Variants in COG1 observed in about 807,000 individuals in gnomAD.
COG1 encodes the protein component of oligomeric golgi complex 1.
COG1 carries 61 observed loss-of-function variants against 102.2 expected under a neutral mutation model. The ratio of observed to expected loss-of-function variants is 0.60; its 90% CI spans 0.49 to 0.74. COG1 has a LOEUF of 0.74. COG1 is among the 30% of genes least tolerant of loss of function. COG1 has a pLI of 0.00. For synonymous variants in COG1, 454 were observed against 493.6 expected, an observed-to-expected ratio of 0.92 and a Z score of 1.06; for missense variants, 1,164 against 1,232.1, an observed-to-expected ratio of 0.94 and a Z score of 0.83.
chr17:73,197,168 CTCTG>C (rs147201001), intron 3 of COG1, 54 bp from the exon 4 acceptor site: 26,469 of 1,612,876 alleles, frequency 0.016, 289 homozygotes, highest in Non-Finnish European at 0.02. Context: ...CCAGAGCGTC[CTCTG>C]TCTTTCACTT....
At chr17:73,204,582 CAG>C (rs982647631) in intron 9 of COG1, among the ~76,000 whole-genome samples, 1 of 118,516 alleles carries the variant, frequency 8.4e-6, no homozygotes, top group Non-Finnish European at 1.6e-5. Flanking sequence ...TTTTTTGAGA[CAG>C]AGTCTCACTC....
At chr17:73,198,385 T>C (rs1264594323) in intron 4 of COG1, among the ~76,000 whole-genome samples, 1 of 152,098 alleles carries the variant, frequency 6.6e-6, no homozygotes, top group East Asian at 1.9e-4. Context: ...TCCAGGAGTT[T>C]GAGATCAGCC....
At chr17:73,205,037 T>C (rs868864274) in intron 9 of COG1, 3 of 183,866 alleles carry the variant, frequency 1.6e-5, no homozygotes, top group Admixed American at 1.1e-4. Flanking sequence ...GTGGCGTACA[T>C]CTGTAGTCCC....
chr17:73,197,102 A>T, intron 3 of COG1, 21 bp downstream of exon 3: 6 of 1,614,150 alleles, frequency 3.7e-6, no homozygotes, highest in Non-Finnish European at 4.2e-6. Context: ...CTTCTGGCCA[A>T]CATTTGGTCC....
Position 73,205,581 on chromosome 17 carries a change from A to G in COG1, c.2411A>G (p.Asn804Ser), listed in dbSNP as rs1158721201. ...GAAGGTGCATTTCCAGTCACCCAGA[A>G]CCGGGCGCTGCAGCTGCTTTATGAT... ...KKEGAFPVTQ[N>S]RALQLLYDLR... Residue 804 changes from asparagine (N) to serine (S), a missense_variant, in exon 10 of 14, where the codon AAC becomes AGC. By Grantham distance (46) the Asn-to-Ser change is conservative (BLOSUM62 1). Coordinates refer to ENST00000299886, the MANE Select transcript of COG1 (RefSeq NM_018714.3). 1 of 1,614,024 alleles carries G rather than the reference A, an allele frequency of 6.2e-7. No individual in the cohort carries two copies. Among genetic ancestry groups the G allele is most frequent in the Non-Finnish European group, 8.5e-7 (1 of 1,180,032 alleles).
At chr17:73,197,117 A>T (rs768316979) in intron 3 of COG1, 36 bp downstream of exon 3, 1 of 1,613,690 alleles carries the variant, frequency 6.2e-7, no homozygotes, top group Non-Finnish European at 8.5e-7. Context: ...TGGTCCTTAA[A>T]TATGGGATGG....
intron 13 of COG1, 60 bp downstream of exon 13, chr17:73,207,316 C>A: frequency 1.4e-6 from 2 of 1,415,756 alleles, no homozygotes; most frequent in Non-Finnish European, 1.0e-6. Context: ...ACCGAGCCAC[C>A]CATGATCAGC....
chr17:73,206,143 C>A lies in COG1; in HGVS notation c.2511-11C>A, dbSNP rs1243772944. 3 of 1,597,078 alleles carry A rather than the reference C, an allele frequency of 1.9e-6. No individual in the cohort carries two copies. Among genetic ancestry groups the A allele is most frequent in the Non-Finnish European group, 2.6e-6 (3 of 1,164,432 alleles). ...AAATGTGGACAGTAATGATCCTAATCCTTTTCTCAGAATTGAGAAAGTGAC... is the reference window on the plus strand; with the variant it reads ...AAATGTGGACAGTAATGATCCTAATACTTTTCTCAGAATTGAGAAAGTGAC... On this transcript the variant is annotated splice_polypyrimidine_tract_variant and intron_variant, in intron 10 of 13. Transcript: ENST00000299886.
At chr17:73,200,465 A>T in intron 5 of COG1, 101 bp from the exon 6 acceptor site, 2 of 1,026,408 alleles carry the variant, frequency 1.9e-6, no homozygotes, top group Non-Finnish European at 3.1e-6. Flanking sequence ...ATCTACTGGA[A>T]CTCAGATAAG....
At chr17:73,207,432 G>C (rs1465552143) in intron 13 of COG1, 176 bp downstream of exon 13, 8 of 744,032 alleles carry the variant, frequency 1.1e-5, no homozygotes, top group Non-Finnish European at 1.4e-5. Flanking sequence ...TGAGCTACTA[G>C]AAGGTGTAAA....
rs772683926 is a variant in COG1 at position 73,196,982 on chromosome 17, A to G, written c.643A>G (p.Ile215Val). ...DQAVAEALCS[I>V]MLLEESSPRQ... ...AGCTGTGGCCGAGGCCCTGTGCTCT[A>G]TAATGCTCTTAGAAGAGAGTTCTCC... is the stretch of plus-strand genomic sequence containing the variant. Residue 215 changes from isoleucine to valine, a missense_variant, in exon 3 of 14, where the codon ATA becomes GTA. By Grantham distance (29) the Ile-to-Val change is conservative. Transcript: ENST00000299886. The G allele has an allele frequency of 3.1e-6, 5 of 1,614,080 alleles. No individual in the cohort carries two copies. The South Asian group carries it at 3.3e-5, about 11-fold the overall frequency.
rs958288996 is a variant in COG1, at chr17:73,200,247, G to C, written c.1070+226G>C. On this transcript the variant is annotated intron_variant, in intron 5 of 13. Transcript: ENST00000299886. ...TTGTCTTTCAAAAGGTTATGTGGGA[G>C]TTTTAAATTCTCTTTATGTGAGAGT... 5.3e-5 allele frequency among the ~76,000 whole-genome samples: 8 copies of C among 152,246 alleles called. 1 individual carries two copies. Among genetic ancestry groups the C allele is most frequent in the Admixed American group, 4.6e-4 (7 of 15,288 alleles).
intron 10 of COG1, 32 bp downstream of exon 10, chr17:73,205,712 C>T (rs374106092): frequency 4.2e-5 from 68 of 1,612,338 alleles, no homozygotes; most frequent in Non-Finnish European, 5.3e-5. Context: ...TATGTCAAGG[C>T]GGTCTCTTCC....
At chr17:73,193,640 GC>G (rs2061311949) in intron 1 of COG1, among the ~76,000 whole-genome samples, 1 of 152,214 alleles carries the variant, frequency 6.6e-6, no homozygotes, top group African/African-American at 2.4e-5. Flanking sequence ...CGACTTCCGG[GC>G]CTTGATTCCT....
intron 5 of COG1, 102 bp from the exon 6 acceptor site, chr17:73,200,464 A>G: frequency 9.8e-7 from 1 of 1,017,644 alleles, no homozygotes; most frequent in Non-Finnish European, 1.6e-6. Flanking sequence ...TATCTACTGG[A>G]ACTCAGATAA....
intron 7 of COG1, 99 bp downstream of exon 7, chr17:73,201,999 T>C: frequency 8.3e-7 from 1 of 1,201,248 alleles, no homozygotes; most frequent in Admixed American, 1.9e-5. Context: ...GGCAAAACAA[T>C]TCTGATTTCA....
intron 4 of COG1, 79 bp downstream of exon 4, chr17:73,197,475 C>A: frequency 1.3e-6 from 2 of 1,489,494 alleles, no homozygotes; most frequent in Non-Finnish European, 1.9e-6. Flanking sequence ...TGCCAGCCAC[C>A]ATGCTAGGCT....
chr17:73,196,990 C>G lies in COG1; in HGVS notation c.651C>G (p.Leu217=). ...CCGAGGCCCTGTGCTCTATAATGCT[C>G]TTAGAAGAGAGTTCTCCTCGCCAAG... ...AVAEALCSIM[L]LEESSPRQAL... is the part of the protein sequence containing the mutation. The change falls in exon 3 of 14, where the codon CTC becomes CTG. Residue 217 remains leucine (L), a synonymous_variant. Transcript: ENST00000299886. The G allele has an allele frequency of 6.2e-7, 1 of 1,614,182 alleles. No homozygotes were observed. Among genetic ancestry groups the G allele is most frequent in the Non-Finnish European group, 8.5e-7 (1 of 1,180,036 alleles).
chr17:73,201,288 G>A lies in COG1; in HGVS notation c.1461G>A (p.Ala487=), dbSNP rs199888646. The change falls in exon 7 of 14, where the codon GCG becomes GCA. Residue 487 remains alanine, a synonymous_variant. Transcript: ENST00000299886. Reference sequence around the variant, plus strand: ...GTCCTAATGACCTGCCTTCCGATGCGGCCTGGGTCAGCGTGGCAAACCGGG... The same window carrying A: ...GTCCTAATGACCTGCCTTCCGATGCAGCCTGGGTCAGCGTGGCAAACCGGG... ...SESPNDLPSD[A]AWVSVANRGQ... 2.9e-5 allele frequency: 47 copies of A among 1,614,158 alleles called. No homozygotes were observed. In the East Asian group the frequency reaches 6.9e-4, roughly 24 times the overall value.
Sources: allele counts gnomAD v4.1 joint callset (sites outside exome capture counted in the v4.1 genomes callset), GRCh38; gene constraint gnomAD v4.1.1; transcripts MANE v1.5; gene names NCBI Gene and HGNC (gene_info 2026-07-23, HGNC 2026-07-21).